Variants in RHOU observed in about 807,000 individuals in gnomAD.
RHOU encodes rho-related GTP-binding protein RhoU.
In RHOU, 8 loss-of-function variants were observed where a neutral mutation model predicts 12.6. The observed-to-expected ratio is 0.64, with a 90% CI of 0.37 to 1.15. The LOEUF (loss-of-function observed/expected upper bound fraction) is 1.15, where lower values mean the gene tolerates loss of function less well. RHOU is among the 50% of genes most tolerant of loss of function. The probability of loss-of-function intolerance (pLI) is 0.01; values close to 1 mark genes in which losing one functional copy is unlikely to be tolerated. For synonymous variants in RHOU, 161 were observed against 147.4 expected (o/e 1.09, Z -0.67); for missense variants, 258 against 347.0 (o/e 0.74, Z 2.04).
At position 228,744,834 on chromosome 1, in the gene RHOU, C is replaced by A. The variant is rs765006462; in HGVS notation, c.*1094C>A. The A allele has an allele frequency of 6.6e-6, 1 of 152,188 alleles. No individual in the cohort carries two copies. Among genetic ancestry groups the A allele is most frequent in the African/African-American group, 2.4e-5 (1 of 41,430 alleles). The allele number at this position is 152,188 out of a possible 1,614,324, so 9.4% of individuals were successfully genotyped here. On this transcript the variant is annotated 3_prime_UTR_variant, in exon 3 of 3. Transcript: ENST00000366691. ...CTTTCACACCATTAATGGGGAAAAGCGTGGCCACAAAAACAGATGCTAGGA... is the reference window on the plus strand; with the variant it reads ...CTTTCACACCATTAATGGGGAAAAGAGTGGCCACAAAAACAGATGCTAGGA...
the RHOU span, chr1:228,651,219 A>G: frequency 1.4e-5 from 3 of 210,146 alleles, no homozygotes; most frequent in Admixed American, 5.3e-5. Context: ...TACCAGGGGG[A>G]GGCAGCAGGC....
At chr1:228,720,333 T>C in the RHOU span, among the ~76,000 whole-genome samples, 19 of 152,330 alleles carry the variant, frequency 1.2e-4, no homozygotes, top group Middle Eastern at 3.4e-3. Context: ...GAAGTACAAG[T>C]AAGATTATCT....
At chr1:228,742,542 T>G (rs1366845624) in intron 2 of RHOU, among the ~76,000 whole-genome samples, 2 of 151,950 alleles carry the variant, frequency 1.3e-5, no homozygotes, top group African/African-American at 4.8e-5. Flanking sequence ...ATAAAGGAAG[T>G]AGGAGAAAAT....
chr1:228,690,167 TTTTG>T, the RHOU span, among the ~76,000 whole-genome samples: 27,124 of 151,898 alleles, frequency 0.18, 2,572 homozygotes, highest in South Asian at 0.25. Context: ...AAAAGATTTG[TTTTG>T]TTTGTTTGTT....
At chr1:228,706,110 C>T in the RHOU span, among the ~76,000 whole-genome samples, 1 of 152,100 alleles carries the variant, frequency 6.6e-6, no homozygotes, top group African/African-American at 2.4e-5. Flanking sequence ...ATTTCTGGAA[C>T]TTCAGAATCT....
chr1:228,671,733 AAAG>A, the RHOU span, among the ~76,000 whole-genome samples: 1 of 151,078 alleles, frequency 6.6e-6, no homozygotes, highest in Non-Finnish European at 1.5e-5. Flanking sequence ...AAAAAAAAAA[AAAG>A]AGAACTAAGT....
the RHOU span, among the ~76,000 whole-genome samples, chr1:228,666,659 G>C: frequency 6.6e-6 from 1 of 152,132 alleles, no homozygotes; most frequent in African/African-American, 2.4e-5. Context: ...GAAGCCAGCA[G>C]GGAATGTGCA....
chr1:228,681,922 T>C, the RHOU span, among the ~76,000 whole-genome samples: 1 of 152,162 alleles, frequency 6.6e-6, no homozygotes, highest in South Asian at 2.1e-4. Context: ...GTCCCCACAA[T>C]TGACTTGCCA....
At chr1:228,669,393 T>C in the RHOU span, among the ~76,000 whole-genome samples, 3 of 152,164 alleles carry the variant, frequency 2.0e-5, no homozygotes, top group Non-Finnish European at 4.4e-5. Context: ...GTCTTGGTGG[T>C]TCATGTTTCT....
chr1:228,653,784 A>G, the RHOU span, among the ~76,000 whole-genome samples: 1 of 152,178 alleles, frequency 6.6e-6, no homozygotes, highest in East Asian at 1.9e-4. Context: ...TGAAATTACA[A>G]TGTAGCCAGT....
the RHOU span, among the ~76,000 whole-genome samples, chr1:228,706,620 C>T: frequency 3.9e-5 from 6 of 152,126 alleles, no homozygotes; most frequent in South Asian, 2.1e-4. Flanking sequence ...TACAAGGAGG[C>T]GGCTTTAGGC....
chr1:228,741,191 C>G (rs117003216), intron 2 of RHOU, among the ~76,000 whole-genome samples: 1 of 152,140 alleles, frequency 6.6e-6, no homozygotes, highest in African/African-American at 2.4e-5. Flanking sequence ...GTGCAGTGTC[C>G]GTACCACAGA....
chr1:228,745,110 G>C lies in RHOU; in HGVS notation c.*1370G>C, dbSNP rs1662801255. 6.6e-6 allele frequency: 1 copy of C among 152,250 alleles called. No homozygotes were observed. The highest frequency in any genetic ancestry group is 1.5e-5 in the Non-Finnish European group (1 of 68,064). 9.4% of individuals were successfully genotyped at this position (152,250 alleles called of 1,614,324 possible). On this transcript the variant is annotated 3_prime_UTR_variant, in exon 3 of 3. Transcript: ENST00000366691. ...GAGGGGCGGGGCGTGTAGCCAGCCA[G>C]GTGCATGCCGGGACCATGGCCCCCA...
chr1:228,731,943 T>G (rs1662507484), upstream of RHOU, among the ~76,000 whole-genome samples: 1 of 152,176 alleles, frequency 6.6e-6, no homozygotes, highest in South Asian at 2.1e-4. Context: ...ATACATGAGG[T>G]GTAATGCATT....
At chr1:228,740,761 G>A (rs1662704559) in intron 2 of RHOU, among the ~76,000 whole-genome samples, 1 of 152,250 alleles carries the variant, frequency 6.6e-6, no homozygotes, top group African/African-American at 2.4e-5. Flanking sequence ...AGAACTTGGG[G>A]ATGTGGAGCT....
chr1:228,691,853 C>G, the RHOU span, among the ~76,000 whole-genome samples: 1 of 152,256 alleles, frequency 6.6e-6, no homozygotes, highest in East Asian at 1.9e-4. Context: ...ACCAAGGCAA[C>G]CGTTTCAAAC....
At chr1:228,710,371 A>G in the RHOU span, among the ~76,000 whole-genome samples, 1 of 152,198 alleles carries the variant, frequency 6.6e-6, no homozygotes, top group Non-Finnish European at 1.5e-5. Context: ...AGAGAATTTT[A>G]GACCAATATC....
chr1:228,718,976 T>G, the RHOU span, among the ~76,000 whole-genome samples: 2 of 152,212 alleles, frequency 1.3e-5, no homozygotes, highest in African/African-American at 4.8e-5. Flanking sequence ...AGTATGGCTT[T>G]AAAACAGAAT....
the RHOU span, among the ~76,000 whole-genome samples, chr1:228,684,967 C>A: frequency 3.9e-5 from 6 of 152,234 alleles, no homozygotes; most frequent in Non-Finnish European, 7.3e-5. Flanking sequence ...ATAGACAGAG[C>A]AGACCAGCTA....
Sources: allele counts gnomAD v4.1 joint callset (sites outside exome capture counted in the v4.1 genomes callset), GRCh38; gene constraint gnomAD v4.1.1; transcripts MANE v1.5; gene names NCBI Gene and HGNC (gene_info 2026-07-23, HGNC 2026-07-21).